Variants in MGAM observed in about 807,000 individuals in gnomAD.
The protein encoded by MGAM is alpha-1,4-glucosidase.
MGAM carries 253 observed loss-of-function variants against 358.8 expected under a neutral mutation model. The observed-to-expected ratio is 0.71, with a 90% CI of 0.64 to 0.78. The LOEUF is 0.78. MGAM is among the 30% of genes least tolerant of loss of function. The probability of loss-of-function intolerance (pLI) is 0.00; values close to 1 mark genes in which losing one functional copy is unlikely to be tolerated. For missense variants in MGAM, 3,080 were observed against 3,432.6 expected (o/e 0.90, Z 2.57); for synonymous variants, 1,105 against 1,227.1 (o/e 0.90, Z 2.08).
rs1816045803 is a variant in MGAM, at chr7:142,097,607, C to T, written c.7707C>T (p.Val2569=). 1.2e-6 allele frequency: 2 copies of T among 1,612,856 alleles called. No homozygotes were observed. ...TTTCATTTTAGAATGCCAGAAATGT[C>T]ACTGCATATTTCCCTAGAGCCCGCT... is the stretch of plus-strand genomic sequence containing the variant. ...SPVLERNARN[V]TAYFPRARWY... Residue 2569 remains valine (V), a synonymous_variant, in exon 66 of 71, where the codon GTC becomes GTT. Transcript: ENST00000475668.
At chr7:142,031,363 A>G (rs1443434242) in intron 12 of MGAM, among the ~76,000 whole-genome samples, 1 of 152,200 alleles carries the variant, frequency 6.6e-6, no homozygotes, top group East Asian at 1.9e-4. Flanking sequence ...AATTTACACA[A>G]TGCTCTTCCC....
At chr7:142,063,619 C>T (rs1367684852) in intron 36 of MGAM, 33 bp downstream of exon 36, 1 of 1,604,340 alleles carries the variant, frequency 6.2e-7, no homozygotes, top group South Asian at 1.1e-5. Context: ...ACTGGCAGAG[C>T]CATGACTGGA....
chr7:142,022,198 C>T, intron 6 of MGAM, 70 bp from the exon 7 acceptor site: 2 of 1,435,740 alleles, frequency 1.4e-6, no homozygotes, highest in South Asian at 1.4e-5. Flanking sequence ...ATAAAGGACG[C>T]TTTTCTAAGC....
In MGAM at chr7:142,059,525, C is replaced by T. The variant is rs1255947362; in HGVS notation, c.3873C>T (p.Leu1291=). The part of the protein sequence containing the change: ...DYMERQLDFT[L]SPKFAGFPAL... The stretch of plus-strand genomic sequence containing the variant: ...TGGAGCGGCAGCTGGACTTCACCCT[C>T]AGCCCCAAGTTTGCTGGGTTTCCAG... The change falls in exon 32 of 71, where the codon CTC becomes CTT. Residue 1291 remains leucine, a synonymous_variant. Coordinates refer to ENST00000475668, the MANE Select transcript of MGAM (RefSeq NM_001365693.1). The T allele has an allele frequency of 1.2e-6, 2 of 1,612,918 alleles. No individual in the cohort carries two copies. The highest frequency in any genetic ancestry group is 1.7e-6 in the Non-Finnish European group (2 of 1,179,156).
At chr7:142,042,005 ATATAATATAATATATATATATTATAT>A (rs1447747577) in intron 21 of MGAM, among the ~76,000 whole-genome samples, 13 of 13,476 alleles carry the variant, frequency 9.6e-4, no homozygotes, top group African/African-American at 4.2e-3. Context: ...TATATTATAT[ATATAATATAATATATATATATTATAT>A]TATATACATA....
At chr7:142,035,903 T>C (rs1322213965) in intron 16 of MGAM, among the ~76,000 whole-genome samples, 2 of 152,184 alleles carry the variant, frequency 1.3e-5, no homozygotes, top group African/African-American at 2.4e-5. Context: ...ATTACTTTTA[T>C]TACCTCATTC....
intron 68 of MGAM, among the ~76,000 whole-genome samples, chr7:142,101,164 C>T (rs564043100): frequency 1.2e-4 from 19 of 152,170 alleles, no homozygotes; most frequent in African/African-American, 3.6e-4. Flanking sequence ...TTGTAGCCAG[C>T]GGAGATAAAC....
chr7:142,074,351 G>A (rs1447713582), intron 45 of MGAM, among the ~76,000 whole-genome samples, 178 bp downstream of exon 45: 3 of 145,934 alleles, frequency 2.1e-5, no homozygotes, highest in African/African-American at 7.3e-5. Flanking sequence ...AACTACTGAC[G>A]AAAGAAAAAT....
intron 1 of MGAM, among the ~76,000 whole-genome samples, chr7:142,001,163 G>A (rs1563100088): frequency 6.6e-6 from 1 of 152,214 alleles, no homozygotes; most frequent in Non-Finnish European, 1.5e-5. Context: ...ATGTGAGATA[G>A]TGGTGACAGT....
Position 142,008,575 on chromosome 7 carries a change from G to A in MGAM, c.197G>A (p.Gly66Asp). Residue 66 changes from glycine (G) to aspartate (D), a missense_variant, in exon 3 of 71, where the codon GGT becomes GAT. This residue lies in a region of MGAM where 1,816 missense variants were observed against 1,840.5 expected (regional missense o/e 0.99). Coordinates refer to ENST00000475668, the MANE Select transcript of MGAM (RefSeq NM_001365693.1). Reference protein sequence around the residue: ...TTGTPDPGTTGTTHARTTGPP... With the variant: ...TTGTPDPGTTDTTHARTTGPP... ...GGTACCCCAGATCCTGGAACAACTG[G>A]TACCACACATGCTAGGACAACGGGT... 6.2e-7 allele frequency: 1 copy of A among 1,613,032 alleles called. No homozygotes were observed. The highest frequency in any genetic ancestry group is 8.5e-7 in the Non-Finnish European group (1 of 1,179,306).
intron 57 of MGAM, among the ~76,000 whole-genome samples, chr7:142,088,412 T>G (rs1814952024): frequency 7.0e-6 from 1 of 142,002 alleles, no homozygotes; most frequent in Admixed American, 7.1e-5. Context: ...TCTATCTATC[T>G]ATCTATGTAT....
At position 142,065,574 on chromosome 7, in the gene MGAM, G is replaced by A. The variant is rs761845615; in HGVS notation, c.4619-14G>A. The A allele has an allele frequency of 1.9e-6, 3 of 1,613,854 alleles. No individual in the cohort carries two copies. The highest frequency in any genetic ancestry group is 4.5e-5 in the East Asian group (2 of 44,878). On this transcript the variant is annotated splice_polypyrimidine_tract_variant and intron_variant, in intron 38 of 70. Coordinates refer to ENST00000475668, the MANE Select transcript of MGAM (RefSeq NM_001365693.1). ...TGAGAGCCTGGTGTGACACAGCTGTGCTTCTCGTTGCAGGCATGATGGAGT... is the reference window on the plus strand; with the variant it reads ...TGAGAGCCTGGTGTGACACAGCTGTACTTCTCGTTGCAGGCATGATGGAGT...
At chr7:142,060,703 C>G (rs1407990387) in intron 34 of MGAM, among the ~76,000 whole-genome samples, 1 of 152,044 alleles carries the variant, frequency 6.6e-6, no homozygotes, top group Non-Finnish European at 1.5e-5. Flanking sequence ...TGGGCGATAC[C>G]TCCTAGCAGT....
At chr7:142,037,701 A>G (rs1408904170) in intron 18 of MGAM, among the ~76,000 whole-genome samples, 1 of 152,212 alleles carries the variant, frequency 6.6e-6, no homozygotes, top group East Asian at 1.9e-4. Context: ...GATCAGATCC[A>G]GTTTCTTGAT....
chr7:142,078,237 T>C, intron 47 of MGAM, 81 bp from the exon 48 acceptor site: 2 of 1,065,168 alleles, frequency 1.9e-6, no homozygotes, highest in South Asian at 3.9e-5. Context: ...TTTTCCAAAA[T>C]AAATAAATAA....
At chr7:142,104,876 A>AT (rs954698510) in intron 70 of MGAM, among the ~76,000 whole-genome samples, 1 of 151,912 alleles carries the variant, frequency 6.6e-6, no homozygotes, top group South Asian at 2.1e-4. Flanking sequence ...CTTACTTATT[A>AT]TTTTTTTTCC....
chr7:142,037,379 G>C (rs1156369757), intron 18 of MGAM, among the ~76,000 whole-genome samples: 4 of 152,140 alleles, frequency 2.6e-5, no homozygotes, highest in Non-Finnish European at 4.4e-5. Flanking sequence ...CTATGTTCAA[G>C]CTGTAGGAAT....
chr7:142,004,290 C>A (rs1392185868), intron 1 of MGAM: 4 of 151,990 alleles, frequency 2.6e-5, no homozygotes, highest in African/African-American at 9.7e-5. Flanking sequence ...TGAAATCAAT[C>A]CAAGTGTTCA....
Position 142,067,986 on chromosome 7 carries a change from A to ATTTTTTT in MGAM, c.5004+574_5004+580dup, listed in dbSNP as rs71913806. Among the ~76,000 whole-genome samples, 7 of 8,684 alleles carry ATTTTTTT rather than the reference A, an allele frequency of 8.1e-4. 1 individual carries two copies. Among genetic ancestry groups the ATTTTTTT allele is most frequent in the Non-Finnish European group, 9.2e-4 (2 of 2,178 alleles). 5.7% of individuals were successfully genotyped at this position (8,684 alleles called of 152,430 possible). On this transcript the variant is annotated intron_variant, in intron 42 of 70. Coordinates refer to ENST00000475668, the MANE Select transcript of MGAM (RefSeq NM_001365693.1). ...TATAAATATATATATATATATATAT[A>ATTTTTTT]TTTTTTTTTTTTTTTTTTTGAGACA...
Sources: allele counts gnomAD v4.1 joint callset (sites outside exome capture counted in the v4.1 genomes callset), GRCh38; gene constraint gnomAD v4.1.1; regional missense constraint gnomAD v4.1.1; transcripts MANE v1.5; gene names NCBI Gene and HGNC (gene_info 2026-07-23, HGNC 2026-07-21).